The following DCDC1 variants were observed in gnomAD, a reference collection of about 807,000 sequenced individuals.
DCDC1 encodes doublecortin domain-containing protein 1.
Under a neutral mutation model 178.3 loss-of-function variants are expected in DCDC1, and 200 were observed. That is an observed-to-expected ratio of 1.12 (90% CI 1.00 to 1.26). The LOEUF (loss-of-function observed/expected upper bound fraction) is 1.26. Among genes scored for constraint, DCDC1 ranks in the 50% most tolerant of loss-of-function variants. The probability of loss-of-function intolerance (pLI) is 0.00; values close to 1 mark genes in which losing one functional copy is unlikely to be tolerated. For synonymous variants in DCDC1, 690 were observed against 604.8 expected (o/e 1.14, Z -2.07); for missense variants, 1,983 against 1,749.2 (o/e 1.13, Z -2.38).
intron 20 of DCDC1, among the ~76,000 whole-genome samples, chr11:31,017,367 T>C (rs1952546542): frequency 6.6e-6 from 1 of 152,198 alleles, no homozygotes; most frequent in Non-Finnish European, 1.5e-5. Context: ...ATAGTAAATA[T>C]GGTTTCTCTT....
At chr11:31,332,828 A>G (rs1285032534) in intron 2 of DCDC1, among the ~76,000 whole-genome samples, 1 of 152,094 alleles carries the variant, frequency 6.6e-6, no homozygotes, top group East Asian at 1.9e-4. Flanking sequence ...GAATAACTCC[A>G]GTGTGGTGCT....
intron 11 of DCDC1, among the ~76,000 whole-genome samples, chr11:31,115,996 T>TGGGGGGGGG (rs1555066794): frequency 7.3e-4 from 33 of 44,986 alleles, no homozygotes; most frequent in Middle Eastern, 0.014. Context: ...GGGGGGGGGA[T>TGGGGGGGGG]GGGTATCTCA....
At chr11:31,127,370 A>G (rs1274424957) in intron 11 of DCDC1, 99 bp downstream of exon 11, 2 of 540,462 alleles carry the variant, frequency 3.7e-6, no homozygotes, top group Non-Finnish European at 6.6e-6. Context: ...CAACATTAAA[A>G]GAAATTCAAG....
chr11:31,236,205 C>A (rs1285349826), intron 9 of DCDC1, among the ~76,000 whole-genome samples: 1 of 151,944 alleles, frequency 6.6e-6, no homozygotes, highest in Non-Finnish European at 1.5e-5. Context: ...ACTGTCACTT[C>A]CCCCCTCTCT....
At chr11:31,079,187 G>A (rs1169734745) in intron 17 of DCDC1, among the ~76,000 whole-genome samples, 1 of 152,138 alleles carries the variant, frequency 6.6e-6, no homozygotes, top group Non-Finnish European at 1.5e-5. Context: ...GAGAAAAGAG[G>A]AGCTGGAGAA....
At chr11:30,972,990 G>A (rs1008964590) in intron 20 of DCDC1, among the ~76,000 whole-genome samples, 2 of 151,970 alleles carry the variant, frequency 1.3e-5, no homozygotes, top group Admixed American at 1.3e-4. Flanking sequence ...ATGTAGCACC[G>A]GCCAGGCGTG....
intron 20 of DCDC1, among the ~76,000 whole-genome samples, chr11:31,008,666 C>G (rs536821403): frequency 5.3e-5 from 8 of 152,262 alleles, no homozygotes; most frequent in African/African-American, 1.9e-4. Context: ...AACAAACTAC[C>G]TATTTTACAA....
At chr11:31,024,699 A>C (rs966404872) in intron 20 of DCDC1, among the ~76,000 whole-genome samples, 1 of 151,926 alleles carries the variant, frequency 6.6e-6, no homozygotes, top group Admixed American at 6.6e-5. Flanking sequence ...CTAGAATTTT[A>C]AAAATGTATT....
chr11:31,187,644 A>G (rs893968669), intron 9 of DCDC1, among the ~76,000 whole-genome samples: 1 of 152,228 alleles, frequency 6.6e-6, no homozygotes, highest in Non-Finnish European at 1.5e-5. Flanking sequence ...GACTTCACAT[A>G]GCAGTATAAA....
intron 10 of DCDC1, among the ~76,000 whole-genome samples, chr11:31,134,137 T>C (rs766971662): frequency 2.6e-5 from 4 of 152,196 alleles, no homozygotes; most frequent in South Asian, 2.1e-4. Flanking sequence ...TCTAACATCA[T>C]ACCCATCCAC....
chr11:30,932,213 CG>C (rs934049556), intron 21 of DCDC1, among the ~76,000 whole-genome samples: 3 of 562 alleles, frequency 5.3e-3, no homozygotes, highest in South Asian at 0.062. Flanking sequence ...ACATCATTCT[CG>C]AAAAAATAGA....
chr11:31,309,744 A>G (rs957325751), intron 3 of DCDC1, among the ~76,000 whole-genome samples: 4 of 152,164 alleles, frequency 2.6e-5, no homozygotes, highest in Non-Finnish European at 5.9e-5. Context: ...ATGATTTTTA[A>G]CATAACAATC....
At chr11:31,058,751 T>C (rs1179528382) in intron 20 of DCDC1, among the ~76,000 whole-genome samples, 2 of 152,094 alleles carry the variant, frequency 1.3e-5, no homozygotes, top group Non-Finnish European at 2.9e-5. Context: ...GGAGAATAAA[T>C]TGTAGGAGGA....
chr11:30,883,385 A>T, intron 36 of DCDC1: 1 of 348,172 alleles, frequency 2.9e-6, no homozygotes. Context: ...AAGACATCAG[A>T]TATTAAACCT....
At chr11:31,108,710 C>T (rs1209817114) in intron 12 of DCDC1, among the ~76,000 whole-genome samples, 1 of 152,196 alleles carries the variant, frequency 6.6e-6, no homozygotes, top group Non-Finnish European at 1.5e-5. Context: ...AAGTTGGTGA[C>T]AGACTGCATT....
intron 1 of DCDC1, among the ~76,000 whole-genome samples, chr11:31,353,108 T>C (rs1292863310): frequency 1.3e-5 from 2 of 152,218 alleles, no homozygotes; most frequent in African/African-American, 2.4e-5. Context: ...ACACATAATT[T>C]CCATTCTGAA....
At chr11:31,183,640 A>C (rs1969117324) in intron 9 of DCDC1, among the ~76,000 whole-genome samples, 1 of 152,230 alleles carries the variant, frequency 6.6e-6, no homozygotes, top group South Asian at 2.1e-4. Flanking sequence ...ATATACCAAT[A>C]ATAGAGAGTC....
chr11:31,192,408 G>A (rs1358072729), intron 9 of DCDC1, among the ~76,000 whole-genome samples: 1 of 152,014 alleles, frequency 6.6e-6, no homozygotes, highest in Non-Finnish European at 1.5e-5. Flanking sequence ...TCATTGAACT[G>A]TATGATTCAA....
intron 34 of DCDC1, 148 bp from the exon 35 acceptor site, chr11:30,894,532 G>T (rs761616569): frequency 2.6e-6 from 3 of 1,147,626 alleles, no homozygotes; most frequent in Non-Finnish European, 3.6e-6. Flanking sequence ...GATGCCTAAG[G>T]TAATAATATC....
Sources: allele counts gnomAD v4.1 joint callset (sites outside exome capture counted in the v4.1 genomes callset), GRCh38; gene constraint gnomAD v4.1.1; transcripts MANE v1.5; gene names NCBI Gene and HGNC (gene_info 2026-07-23, HGNC 2026-07-21).